The following PLEKHA5 variants were observed in gnomAD, a reference collection of about 807,000 sequenced individuals.
PLEKHA5 encodes pleckstrin homology domain-containing family A member 5.
Under a neutral mutation model 181.9 loss-of-function variants are expected in PLEKHA5, and 55 were observed. The ratio of observed to expected loss-of-function variants is 0.30; its 90% CI spans 0.24 to 0.38. The LOEUF is 0.38. Among genes scored for constraint, PLEKHA5 ranks in the 10% least tolerant of loss-of-function variants. The pLI, the probability that PLEKHA5 is intolerant of heterozygous loss-of-function variation, is 1.00. For missense variants in PLEKHA5, 1,432 were observed against 1,549.5 expected, an observed-to-expected ratio of 0.92 and a Z score of 1.27; for synonymous variants, 535 against 529.4, an observed-to-expected ratio of 1.01 and a Z score of -0.15.
chr12:19,318,104 A>G (rs895145819), intron 16 of PLEKHA5, among the ~76,000 whole-genome samples: 1 of 151,206 alleles, frequency 6.6e-6, no homozygotes, highest in African/African-American at 2.4e-5. Flanking sequence ...CAACCTTTTC[A>G]ATTCTATGAA....
chr12:19,368,042 G>A (rs376303074), intron 30 of PLEKHA5, among the ~76,000 whole-genome samples: 7 of 151,776 alleles, frequency 4.6e-5, no homozygotes, highest in South Asian at 2.1e-4. Flanking sequence ...AACATCTTCC[G>A]TATCTTATAT....
chr12:19,131,654 ATTCTTTTATGTGATT>A (rs539462052), intron 2 of PLEKHA5, among the ~76,000 whole-genome samples: 1 of 150,878 alleles, frequency 6.6e-6, no homozygotes, highest in East Asian at 2.0e-4. Context: ...GAAAAATTTT[ATTCTTTTATGTGATT>A]TCACTTTTTT....
intron 22 of PLEKHA5, among the ~76,000 whole-genome samples, chr12:19,345,280 G>A (rs1338711862): frequency 6.6e-6 from 1 of 151,622 alleles, no homozygotes; most frequent in African/African-American, 2.4e-5. Flanking sequence ...TGCACCTATA[G>A]TCCCAGCTGC....
chr12:19,210,519 T>C (rs2056696134), intron 3 of PLEKHA5, among the ~76,000 whole-genome samples: 1 of 152,236 alleles, frequency 6.6e-6, no homozygotes, highest in Admixed American at 6.5e-5. Flanking sequence ...TTGTCTGCTG[T>C]CTAGCACACA....
In PLEKHA5 at chr12:19,135,636, C is replaced by T. The variant is rs543198482; in HGVS notation, c.227+3186C>T. ...TTTCTTTTGCTGCTTTTTGTGCTTA[C>T]GTTTCCTTGTAAAATGTTTGTATAC... is the stretch of plus-strand genomic sequence containing the variant. On this transcript the variant is annotated intron_variant, in intron 3 of 31. Coordinates refer to ENST00000429027, the MANE Select transcript of PLEKHA5 (RefSeq NM_001256470.2). Among the ~76,000 whole-genome samples, 10 of 152,168 alleles carry T rather than the reference C, an allele frequency of 6.6e-5. No individual in the cohort carries two copies. In the East Asian group the frequency reaches 1.4e-3, roughly 21 times the overall value.
intron 13 of PLEKHA5, among the ~76,000 whole-genome samples, chr12:19,288,790 A>G (rs186938705): frequency 6.6e-6 from 1 of 152,128 alleles, no homozygotes; most frequent in Non-Finnish European, 1.5e-5. Flanking sequence ...GCTAAATAGC[A>G]TACCACAAAT....
At chr12:19,347,475 C>A (rs1311423607) in intron 24 of PLEKHA5, among the ~76,000 whole-genome samples, 1 of 151,500 alleles carries the variant, frequency 6.6e-6, no homozygotes, top group African/African-American at 2.4e-5. Context: ...TTTAGATATA[C>A]CATTTTAGGG....
chr12:19,320,605 C>A lies in PLEKHA5; in HGVS notation c.2198C>A (p.Pro733His). The A allele has an allele frequency of 6.7e-7, 1 of 1,498,368 alleles. No homozygotes were observed. The highest frequency in any genetic ancestry group is 9.2e-7 in the Non-Finnish European group (1 of 1,083,488). 92.8% of individuals were successfully genotyped at this position (1,498,368 alleles called of 1,614,324 possible). A position where few individuals can be genotyped will look rare whatever the true frequency, so the allele number is the denominator to read the frequency against. ...EGRGTLYKYR[P>H]EEVDIDAKLS... ...AGAGGCACATTATACAAATACAGAC[C>A]TGAAGAAGTAGATATTGATGTAAGT... Residue 733 changes from proline (P) to histidine (H), a missense_variant, in exon 18 of 32, where the codon CCT (proline) becomes CAT (histidine). Pro to His is a moderately conservative substitution (Grantham distance 77). This residue lies in a region of PLEKHA5 where 1,143 missense variants were observed against 1,168.4 expected (regional missense o/e 0.98). Coordinates refer to ENST00000429027, the MANE Select transcript of PLEKHA5 (RefSeq NM_001256470.2).
At chr12:19,359,033 C>T (rs1255209615) in intron 27 of PLEKHA5, among the ~76,000 whole-genome samples, 2 of 152,170 alleles carry the variant, frequency 1.3e-5, no homozygotes, top group African/African-American at 4.8e-5. Flanking sequence ...ACACTTGTCA[C>T]CTAGCAATAG....
chr12:19,254,138 A>G (rs972258520), intron 4 of PLEKHA5, 115 bp downstream of exon 4: 8 of 690,130 alleles, frequency 1.2e-5, no homozygotes, highest in African/African-American at 1.8e-5. Context: ...AGTCAAGTAT[A>G]ATAACAGAAT....
intron 16 of PLEKHA5, among the ~76,000 whole-genome samples, chr12:19,316,622 C>T (rs2088864725): frequency 6.6e-6 from 1 of 152,044 alleles, no homozygotes; most frequent in South Asian, 2.1e-4. Flanking sequence ...TCACCAGTTA[C>T]CAGGAAATCA....
intron 3 of PLEKHA5, among the ~76,000 whole-genome samples, chr12:19,191,913 C>A (rs1340251154): frequency 6.6e-6 from 1 of 152,098 alleles, no homozygotes; most frequent in Non-Finnish European, 1.5e-5. Context: ...AGCCGCACTG[C>A]CATTATGACT....
At chr12:19,265,417 G>A (rs911690216) in intron 7 of PLEKHA5, among the ~76,000 whole-genome samples, 2 of 152,182 alleles carry the variant, frequency 1.3e-5, no homozygotes, top group Non-Finnish European at 2.9e-5. Context: ...CCTGAAGGAT[G>A]TAACCAAGAA....
chr12:19,325,651 G>A (rs1286218964), intron 20 of PLEKHA5, among the ~76,000 whole-genome samples: 4 of 149,306 alleles, frequency 2.7e-5, no homozygotes, highest in Non-Finnish European at 5.9e-5. Context: ...TCGTGCCATT[G>A]CACTCCAGCC....
At chr12:19,245,812 T>C (rs1459110776) in intron 3 of PLEKHA5, among the ~76,000 whole-genome samples, 2 of 150,612 alleles carry the variant, frequency 1.3e-5, no homozygotes, top group Admixed American at 1.3e-4. Context: ...GCAGCCACCT[T>C]GGGCTTGAGA....
chr12:19,233,458 T>A (rs1317568103), intron 3 of PLEKHA5, among the ~76,000 whole-genome samples: 1 of 152,200 alleles, frequency 6.6e-6, no homozygotes, highest in Non-Finnish European at 1.5e-5. Flanking sequence ...GATCTGTTTC[T>A]TAACCGTTAA....
intron 21 of PLEKHA5, among the ~76,000 whole-genome samples, chr12:19,340,945 T>TA (rs58915493): frequency 0.014 from 899 of 62,814 alleles, 14 homozygotes; most frequent in African/African-American, 0.028. Context: ...GAATGATCAA[T>TA]AAAAAAAAAA....
intron 10 of PLEKHA5, among the ~76,000 whole-genome samples, chr12:19,271,511 T>A (rs2072777279): frequency 6.6e-6 from 1 of 151,938 alleles, no homozygotes; most frequent in Admixed American, 6.6e-5. Context: ...CAAAAAAAAA[T>A]AAAAATAAAA....
intron 15 of PLEKHA5, chr12:19,306,917 C>G (rs1210158943): frequency 1.2e-6 from 1 of 845,490 alleles, no homozygotes; most frequent in African/African-American, 1.7e-5. Flanking sequence ...CCAGCTAATG[C>G]AATGGCAGGT....
Sources: allele counts gnomAD v4.1 joint callset (sites outside exome capture counted in the v4.1 genomes callset), GRCh38; gene constraint gnomAD v4.1.1; regional missense constraint gnomAD v4.1.1; transcripts MANE v1.5; gene names NCBI Gene and HGNC (gene_info 2026-07-23, HGNC 2026-07-21).